The following DOCK5 variants were observed in gnomAD, a reference collection of about 807,000 sequenced individuals.
The protein encoded by DOCK5 is dedicator of cytokinesis protein 5.
DOCK5 carries 142 observed loss-of-function variants against 251.8 expected under a neutral mutation model. The observed-to-expected ratio is 0.56, with a 90% confidence interval of 0.49 to 0.65. The LOEUF (loss-of-function observed/expected upper bound fraction) is 0.65, where lower values mean the gene tolerates loss of function less well. DOCK5 is among the 30% of genes least tolerant of loss of function. The probability of loss-of-function intolerance (pLI) is 0.00; values close to 1 mark genes in which losing one functional copy is unlikely to be tolerated. For missense variants in DOCK5, 2,111 were observed against 2,312.3 expected (o/e 0.91, Z 1.79); for synonymous variants, 842 against 835.5 (o/e 1.01, Z -0.13).
intron 29 of DOCK5, 42 bp from the exon 30 acceptor site, chr8:25,364,584 G>C (rs1433818246): frequency 1.4e-6 from 2 of 1,437,132 alleles, no homozygotes; most frequent in African/African-American, 2.8e-5. Context: ...GGTTTCAAAG[G>C]ACATACAGTT....
At chr8:25,261,540 G>A (rs1803581646) in intron 2 of DOCK5, among the ~76,000 whole-genome samples, 1 of 152,184 alleles carries the variant, frequency 6.6e-6, no homozygotes, top group African/African-American at 2.4e-5. Flanking sequence ...GCAATTCCAT[G>A]TTACTTTGAG....
Position 25,294,907 on chromosome 8 carries a change from G to A in DOCK5, c.471-1606G>A, listed in dbSNP as rs536520904. ...ACAGACTTTTAAACAACCAGATCTCGTGAGAACTCTATCACGAGAACAGCA... is the reference window on the plus strand; with the variant it reads ...ACAGACTTTTAAACAACCAGATCTCATGAGAACTCTATCACGAGAACAGCA... On this transcript the variant is annotated intron_variant, in intron 6 of 51. Transcript: ENST00000276440. Among the ~76,000 whole-genome samples the A allele has an allele frequency of 1.6e-4, 24 of 152,080 alleles. No homozygotes were observed. In the South Asian group the frequency reaches 4.2e-3, roughly 26 times the overall value.
In DOCK5 at chr8:25,304,451, A is replaced by G. The variant is rs1804848093; in HGVS notation, c.1049+124A>G. 4.9e-6 allele frequency: 4 copies of G among 820,636 alleles called. No individual in the cohort carries two copies. In the East Asian group the frequency reaches 1.2e-4, roughly 24 times the overall value. 50.8% of individuals were successfully genotyped at this position (820,636 alleles called of 1,614,324 possible). A position where few individuals can be genotyped will look rare whatever the true frequency, so the allele number is the denominator to read the frequency against. ...AGAAGGAAAGATTCTAAGCTGCAAG[A>G]TTGTCAGATAGGAGCTGAACAGAAG... On this transcript the variant is annotated intron_variant, in intron 11 of 51. Transcript: ENST00000276440.
intron 1 of DOCK5, among the ~76,000 whole-genome samples, chr8:25,214,008 T>C (rs1802167114): frequency 6.6e-6 from 1 of 152,210 alleles, no homozygotes; most frequent in East Asian, 1.9e-4. Flanking sequence ...AACACAAAAT[T>C]CATTGGTTTC....
chr8:25,198,564 TC>T (rs1022764823), intron 1 of DOCK5, among the ~76,000 whole-genome samples: 2 of 94,624 alleles, frequency 2.1e-5, no homozygotes, highest in Admixed American at 2.7e-4. Flanking sequence ...AGAGCGAGAC[TC>T]CATCTCAAAA....
At chr8:25,248,357 C>A (rs1803171880) in intron 2 of DOCK5, among the ~76,000 whole-genome samples, 1 of 152,120 alleles carries the variant, frequency 6.6e-6, no homozygotes, top group African/African-American at 2.4e-5. Context: ...TTGTCTTCTA[C>A]CCCTCTTCTC....
At chr8:25,357,257 A>C (rs1800592608) in intron 27 of DOCK5, among the ~76,000 whole-genome samples, 1 of 151,984 alleles carries the variant, frequency 6.6e-6, no homozygotes, top group African/African-American at 2.4e-5. Flanking sequence ...GGTCTTGGAG[A>C]AACAAATTGT....
At chr8:25,373,245 G>A (rs191473965) in intron 35 of DOCK5, among the ~76,000 whole-genome samples, 6 of 152,092 alleles carry the variant, frequency 3.9e-5, no homozygotes, top group African/African-American at 7.2e-5. Flanking sequence ...TGATCCACAC[G>A]CCTCAGCCTC....
In DOCK5 at chr8:25,334,158, C is replaced by G; in HGVS notation, c.2154C>G (p.Thr718=). ...AGCATTTTAATCCTGTACTTGAAAC[C>G]TACATTTACAAGCACTTCAGCGCCA... ...KFQHFNPVLE[T]YIYKHFSATL... The change falls in exon 21 of 52, where the codon ACC becomes ACG. Residue 718 remains threonine (T), a synonymous_variant. Coordinates refer to ENST00000276440, the MANE Select transcript of DOCK5 (RefSeq NM_024940.8). 1 of 1,613,930 alleles carries G rather than the reference C, an allele frequency of 6.2e-7. No individual in the cohort carries two copies. Among genetic ancestry groups the G allele is most frequent in the Non-Finnish European group, 8.5e-7 (1 of 1,179,820 alleles).
chr8:25,294,004 A>AAATT (rs201906221), intron 6 of DOCK5, among the ~76,000 whole-genome samples: 10 of 152,114 alleles, frequency 6.6e-5, no homozygotes, highest in Admixed American at 1.3e-4. Context: ...AATCCCTCTC[A>AAATT]AATTAATTAA....
chr8:25,334,230 G>C (rs974785147), intron 21 of DOCK5, 34 bp downstream of exon 21: 1 of 1,539,892 alleles, frequency 6.5e-7, no homozygotes, highest in African/African-American at 1.4e-5. Context: ...CATGTTGTTG[G>C]ATCTTTGGAT....
chr8:25,304,495 G>C, intron 11 of DOCK5, 168 bp downstream of exon 11: 1 of 554,232 alleles, frequency 1.8e-6, no homozygotes, highest in Non-Finnish European at 3.1e-6. Context: ...CAAAGTCCTT[G>C]ATGTTGGACT....
At position 25,400,949 on chromosome 8, in the gene DOCK5, G is replaced by A. The variant is rs770266630; in HGVS notation, c.4809G>A (p.Gly1603=). ...TCCAGATGCCCCTGCTAACAGAAGG[G>A]ATCCGCATCCATGGGGAGAAACTCA... ...IALQMPLLTE[G]IRIHGEKLTE... is the part of the protein sequence containing the mutation. Residue 1603 remains glycine (G), a synonymous_variant, in exon 47 of 52, where the codon GGG becomes GGA. Transcript: ENST00000276440. 1.5e-5 allele frequency: 25 copies of A among 1,613,974 alleles called. No homozygotes were observed. The South Asian group carries it at 2.7e-4, about 18-fold the overall frequency.
At chr8:25,187,296 T>C in intron 1 of DOCK5, among the ~76,000 whole-genome samples, 1 of 148,730 alleles carries the variant, frequency 6.7e-6, no homozygotes, top group Non-Finnish European at 1.5e-5. Context: ...TGTATATACA[T>C]ATATATGTAT....
In DOCK5 at chr8:25,296,566, C is replaced by T; in HGVS notation, c.524C>T (p.Pro175Leu). The change falls in exon 7 of 52, where the codon CCT becomes CTT. Residue 175 changes from proline (P) to leucine (L), a missense_variant. Pro to Leu is a moderately conservative substitution (Grantham distance 98, BLOSUM62 -3). Around this residue, in one of 3 missense-constraint regions of DOCK5, gnomAD observed 335 missense variants for 324.9 expected, o/e 1.03. Transcript: ENST00000276440. ...VRDDNGNILD[P>L]DETSTIALFK... The stretch of plus-strand genomic sequence containing the variant: ...GATGACAATGGGAACATCCTAGACC[C>T]TGACGAAACCAGCACCATTGCCCTC... The T allele has an allele frequency of 1.2e-6, 2 of 1,612,332 alleles. No individual in the cohort carries two copies. The highest frequency in any genetic ancestry group is 1.7e-6 in the Non-Finnish European group (2 of 1,179,226).
chr8:25,299,233 G>A (rs1804695562), intron 8 of DOCK5, 132 bp downstream of exon 8: 1 of 1,084,930 alleles, frequency 9.2e-7, no homozygotes, highest in Admixed American at 2.9e-5. Flanking sequence ...CTAAGCAGTA[G>A]AATGTAAAAT....
At chr8:25,201,534 A>C (rs2117461432) in intron 1 of DOCK5, among the ~76,000 whole-genome samples, 1 of 152,296 alleles carries the variant, frequency 6.6e-6, no homozygotes, top group South Asian at 2.1e-4. Context: ...GCTGATTACT[A>C]CCTTTAGTCC....
chr8:25,317,162 C>T (rs1488152390), intron 14 of DOCK5, 31 bp downstream of exon 14: 3 of 1,606,914 alleles, frequency 1.9e-6, no homozygotes, highest in Non-Finnish European at 2.6e-6. Flanking sequence ...ATCCTGCTAC[C>T]ATCGCATCCG....
At position 25,271,036 on chromosome 8, in the gene DOCK5, A is replaced by C. The variant is rs1586282808; in HGVS notation, c.168+2151A>C. Reference sequence around the variant, plus strand: ...TTTTTTTTCTATATTTTTAATCATCAGTTGGTTGAACCCATGATATGGAGG... The same window carrying C: ...TTTTTTTTCTATATTTTTAATCATCCGTTGGTTGAACCCATGATATGGAGG... On this transcript the variant is annotated intron_variant, in intron 3 of 51. Coordinates refer to ENST00000276440, the MANE Select transcript of DOCK5 (RefSeq NM_024940.8). 3 of 438,720 alleles carry C rather than the reference A, an allele frequency of 6.8e-6. No individual in the cohort carries two copies. In the East Asian group the frequency reaches 9.6e-5, roughly 14 times the overall value. 27.2% of individuals were successfully genotyped at this position (438,720 alleles called of 1,614,324 possible).
Sources: gnomAD v4.1 joint callset for allele counts (sites outside exome capture counted in the v4.1 genomes callset) on GRCh38, gnomAD v4.1.1 for gene constraint, gnomAD v4.1.1 regional missense constraint, MANE v1.5 for transcripts, NCBI Gene and HGNC (gene_info 2026-07-23, HGNC 2026-07-21) for gene names.